Variants in ADGRL3 observed in about 807,000 individuals in gnomAD.
ADGRL3 encodes the protein calcium-independent alpha-latrotoxin receptor 3.
ADGRL3 carries 62 observed loss-of-function variants against 153.5 expected under a neutral mutation model. The ratio of observed to expected loss-of-function variants is 0.40; its 90% CI spans 0.33 to 0.50. ADGRL3 has a LOEUF of 0.50. ADGRL3 is among the 20% of genes least tolerant of loss of function. The pLI, the probability that ADGRL3 is intolerant of heterozygous loss-of-function variation, is 0.47. For synonymous variants in ADGRL3, 710 were observed against 672.5 expected (o/e 1.06, Z -0.86); for missense variants, 1,641 against 1,859.4 (o/e 0.88, Z 2.16).
chr4:62,064,844 A>C (rs938132713), intron 25 of ADGRL3, among the ~76,000 whole-genome samples: 5 of 152,130 alleles, frequency 3.3e-5, no homozygotes, highest in Non-Finnish European at 7.4e-5. Context: ...GGATGATTTT[A>C]CATTATTTCA....
chr4:61,587,214 T>A lies in ADGRL3; in HGVS notation c.260-13T>A. On this transcript the variant is annotated splice_polypyrimidine_tract_variant and intron_variant, in intron 4 of 26. Coordinates refer to ENST00000683033, the MANE Select transcript of ADGRL3 (RefSeq NM_001387552.1). Reference sequence around the variant, plus strand: ...AACGATGGCATCTCTTTTCTTCCTCTTCCTTTTGGCAGCTTTCAGCCGTGC... The same window carrying A: ...AACGATGGCATCTCTTTTCTTCCTCATCCTTTTGGCAGCTTTCAGCCGTGC... 1 of 1,583,092 alleles carries A rather than the reference T, an allele frequency of 6.3e-7. No homozygotes were observed.
chr4:61,205,917 A>C (rs1269359652), intron 1 of ADGRL3, among the ~76,000 whole-genome samples: 1 of 152,212 alleles, frequency 6.6e-6, no homozygotes, highest in East Asian at 1.9e-4. Flanking sequence ...GAGTGTCAGC[A>C]TGGTCCAATA....
intron 9 of ADGRL3, among the ~76,000 whole-genome samples, chr4:61,849,323 GCAGTGCATTAC>G (rs778923821): frequency 1.0e-3 from 152 of 152,180 alleles, no homozygotes; most frequent in Admixed American, 2.2e-3. Context: ...ATGATTTTTA[GCAGTGCATTAC>G]CAATGAAGTA....
At chr4:61,793,018 T>G (rs1042283683) in intron 8 of ADGRL3, among the ~76,000 whole-genome samples, 1 of 150,200 alleles carries the variant, frequency 6.7e-6, no homozygotes, top group East Asian at 2.0e-4. Flanking sequence ...CACAGTTCCA[T>G]GTGGCTGGGG....
intron 4 of ADGRL3, among the ~76,000 whole-genome samples, chr4:61,582,088 T>C (rs2098928277): frequency 6.6e-6 from 1 of 152,088 alleles, no homozygotes; most frequent in African/African-American, 2.4e-5. Context: ...TGCTGATGCT[T>C]TTATAATTGT....
intron 1 of ADGRL3, among the ~76,000 whole-genome samples, chr4:61,382,432 T>C (rs1269607591): frequency 6.6e-6 from 1 of 151,470 alleles, no homozygotes; most frequent in African/African-American, 2.4e-5. Context: ...CTAAAGAAAA[T>C]ACTTTGAACG....
intron 9 of ADGRL3, among the ~76,000 whole-genome samples, chr4:61,868,045 G>C (rs1344590722): frequency 6.6e-6 from 1 of 152,020 alleles, no homozygotes; most frequent in Non-Finnish European, 1.5e-5. Context: ...AGAAAATTCA[G>C]CTTAGCTAGT....
chr4:61,692,848 C>T (rs1045864212), intron 6 of ADGRL3, among the ~76,000 whole-genome samples: 4 of 152,238 alleles, frequency 2.6e-5, no homozygotes, highest in African/African-American at 9.6e-5. Flanking sequence ...TTCTATGATT[C>T]TACTCCTTTA....
chr4:61,591,954 T>C (rs572341778), intron 5 of ADGRL3, among the ~76,000 whole-genome samples: 42 of 151,410 alleles, frequency 2.8e-4, no homozygotes, highest in Non-Finnish European at 4.4e-4. Context: ...GGTGCACCTA[T>C]GGTCCCAGCT....
chr4:61,436,099 A>G (rs968067514), intron 2 of ADGRL3, among the ~76,000 whole-genome samples: 10 of 152,300 alleles, frequency 6.6e-5, no homozygotes, highest in Middle Eastern at 3.4e-3. Flanking sequence ...GTGTTTGCCT[A>G]TGTAATACAG....
At chr4:62,060,346 A>C (rs1175622027) in intron 25 of ADGRL3, among the ~76,000 whole-genome samples, 1 of 152,002 alleles carries the variant, frequency 6.6e-6, no homozygotes, top group Non-Finnish European at 1.5e-5. Context: ...AAATTAGATA[A>C]TGTATAGCAA....
At chr4:61,465,758 A>ATAT (rs2097871895) in intron 2 of ADGRL3, among the ~76,000 whole-genome samples, 17 of 130,156 alleles carry the variant, frequency 1.3e-4, no homozygotes, top group African/African-American at 3.3e-4. Context: ...ATTATATATA[A>ATAT]ATATATATAT....
At chr4:61,681,404 C>T (rs1175039749) in intron 6 of ADGRL3, among the ~76,000 whole-genome samples, 2 of 151,896 alleles carry the variant, frequency 1.3e-5, no homozygotes, top group African/African-American at 4.8e-5. Context: ...TTTTTCAGAA[C>T]AATAAAGCAT....
chr4:61,304,085 G>A (rs2150386922), intron 1 of ADGRL3, among the ~76,000 whole-genome samples: 1 of 152,294 alleles, frequency 6.6e-6, no homozygotes, highest in East Asian at 1.9e-4. Flanking sequence ...CCAGGTAAAT[G>A]AGAGATACAG....
chr4:61,239,850 G>T (rs1754240060), intron 1 of ADGRL3, among the ~76,000 whole-genome samples: 1 of 152,006 alleles, frequency 6.6e-6, no homozygotes, highest in Admixed American at 6.6e-5. Context: ...AAATAGTTAA[G>T]AAATAGATTA....
intron 1 of ADGRL3, among the ~76,000 whole-genome samples, chr4:61,296,732 A>G (rs1041834971): frequency 6.6e-6 from 1 of 152,220 alleles, no homozygotes; most frequent in Non-Finnish European, 1.5e-5. Flanking sequence ...TAGTATCATT[A>G]TAAGATATGA....
intron 17 of ADGRL3, among the ~76,000 whole-genome samples, chr4:61,970,148 A>T (rs894679188): frequency 6.6e-6 from 1 of 152,162 alleles, no homozygotes; most frequent in African/African-American, 2.4e-5. Context: ...TAATAATAGT[A>T]TCACATCACA....
intron 9 of ADGRL3, among the ~76,000 whole-genome samples, chr4:61,861,791 G>A (rs1261096157): frequency 6.6e-6 from 1 of 152,046 alleles, no homozygotes; most frequent in Admixed American, 6.5e-5. Flanking sequence ...TGAATGGAAT[G>A]GAGTCATCCA....
chr4:61,329,777 A>G (rs1026089503), intron 1 of ADGRL3, among the ~76,000 whole-genome samples: 3 of 152,226 alleles, frequency 2.0e-5, no homozygotes, highest in South Asian at 2.1e-4. Context: ...AATGGTGGAC[A>G]TATGGAGTGT....
Sources: gnomAD v4.1 joint callset for allele counts (sites outside exome capture counted in the v4.1 genomes callset) on GRCh38, gnomAD v4.1.1 for gene constraint, MANE v1.5 for transcripts, NCBI Gene and HGNC (gene_info 2026-07-23, HGNC 2026-07-21) for gene names.